Variants in GRHL2 observed in about 807,000 individuals in gnomAD.
GRHL2 encodes grainyhead-like protein 2 homolog.
GRHL2 carries 21 observed loss-of-function variants against 83.8 expected under a neutral mutation model. That is an observed-to-expected ratio of 0.25 (90% CI 0.18 to 0.36). The LOEUF (loss-of-function observed/expected upper bound fraction) is 0.36, where lower values mean the gene tolerates loss of function less well. Ranked by LOEUF, GRHL2 falls within the 10% of genes least tolerant of loss-of-function variation. The pLI is 1.00. For synonymous variants in GRHL2, 280 were observed against 278.9 expected (o/e 1.00, Z -0.04); for missense variants, 623 against 781.8 (o/e 0.80, Z 2.42).
chr8:101,578,568 G>A (rs1251987378), intron 7 of GRHL2, among the ~76,000 whole-genome samples: 2 of 152,200 alleles, frequency 1.3e-5, no homozygotes, highest in African/African-American at 2.4e-5. Flanking sequence ...AGACAGTAAT[G>A]TATGTGTTTC....
At chr8:101,602,916 A>G (rs926827171) in intron 8 of GRHL2, among the ~76,000 whole-genome samples, 3 of 152,194 alleles carry the variant, frequency 2.0e-5, no homozygotes, top group Admixed American at 2.0e-4. Context: ...TAAGGCCACC[A>G]GCATTCCCTG....
chr8:101,617,088 A>C (rs1812871719), intron 8 of GRHL2, among the ~76,000 whole-genome samples: 2 of 152,196 alleles, frequency 1.3e-5, no homozygotes, highest in Admixed American at 1.3e-4. Flanking sequence ...CATTGATTCC[A>C]TATACAGTAC....
intron 4 of GRHL2, among the ~76,000 whole-genome samples, chr8:101,568,094 A>C (rs913172721): frequency 6.6e-6 from 1 of 152,126 alleles, no homozygotes; most frequent in Non-Finnish European, 1.5e-5. Context: ...AATGATGGAA[A>C]TTTTTTTTAA....
chr8:101,526,739 A>G lies in GRHL2; in HGVS notation c.21-16502A>G, dbSNP rs550513261. Among the ~76,000 whole-genome samples the G allele has an allele frequency of 4.6e-5, 7 of 152,146 alleles. No individual in the cohort carries two copies. The East Asian group carries it at 1.2e-3, about 25-fold the overall frequency. ...AAAAAAGCAGCTAGTTTCAACTCCT[A>G]CTCAAAGCACTGCACGAGTGCTTTT... is the stretch of plus-strand genomic sequence containing the variant. On this transcript the variant is annotated intron_variant, in intron 1 of 15. Transcript: ENST00000646743.
At chr8:101,672,583 G>A (rs1019430419), downstream of GRHL2, among the ~76,000 whole-genome samples, 8 of 151,814 alleles carry the variant, frequency 5.3e-5, no homozygotes, top group African/African-American at 1.9e-4. Flanking sequence ...TCTGATTGGT[G>A]TACCTGAAAG....
chr8:101,512,309 C>T (rs953098415), intron 1 of GRHL2, among the ~76,000 whole-genome samples: 6 of 152,034 alleles, frequency 3.9e-5, no homozygotes, highest in East Asian at 3.8e-4. Flanking sequence ...AAAACAAATA[C>T]GTTTTGCTCT....
chr8:101,632,503 C>A, intron 11 of GRHL2, 138 bp downstream of exon 11: 1 of 1,045,096 alleles, frequency 9.6e-7, no homozygotes, highest in Non-Finnish European at 1.5e-6. Context: ...ATGTCATTCC[C>A]TATAGTAAAT....
intron 14 of GRHL2, among the ~76,000 whole-genome samples, chr8:101,650,775 C>T (rs1412384547): frequency 6.6e-6 from 1 of 151,280 alleles, no homozygotes; most frequent in African/African-American, 2.4e-5. Flanking sequence ...GAATTATACA[C>T]TTTAAGATGG....
At position 101,664,825 on chromosome 8, in the gene GRHL2, AG is replaced by A. The variant is rs1398009323; in HGVS notation, c.1763+310del. ...GAGAATGGCAAAATCACCTTTCTGC[AG>A]GGAGTGGAGTTTATAGGGAATCACG... On this transcript the variant is annotated intron_variant, in intron 15 of 15. Transcript: ENST00000646743. 3.3e-5 allele frequency among the ~76,000 whole-genome samples: 5 copies of A among 152,164 alleles called. No homozygotes were observed. In the East Asian group the frequency reaches 9.7e-4, roughly 30 times the overall value.
At chr8:101,676,055 T>A in the GRHL2 span, among the ~76,000 whole-genome samples, 2 of 149,932 alleles carry the variant, frequency 1.3e-5, no homozygotes, top group Non-Finnish European at 3.0e-5. Context: ...ATACAAAAAT[T>A]AATTCAAGAT....
At chr8:101,598,584 T>TTC (rs1808283177) in intron 7 of GRHL2, among the ~76,000 whole-genome samples, 1 of 36,318 alleles carries the variant, frequency 2.8e-5, no homozygotes, top group Non-Finnish European at 4.3e-5. Context: ...CTCCTGAATT[T>TTC]TTTTTTTTTT....
intron 4 of GRHL2, among the ~76,000 whole-genome samples, chr8:101,564,758 G>T (rs1811679346): frequency 7.3e-6 from 1 of 136,418 alleles, no homozygotes; most frequent in Admixed American, 7.8e-5. Context: ...GCTGCAGGAA[G>T]CTATGATCAT....
intron 13 of GRHL2, among the ~76,000 whole-genome samples, chr8:101,647,547 C>T (rs958714209): frequency 2.6e-5 from 4 of 151,942 alleles, no homozygotes; most frequent in East Asian, 1.9e-4. Flanking sequence ...TTCCTTGTAC[C>T]GCTAACATTG....
At chr8:101,532,790 C>T (rs950603822) in intron 1 of GRHL2, among the ~76,000 whole-genome samples, 2 of 150,752 alleles carry the variant, frequency 1.3e-5, no homozygotes, top group South Asian at 2.1e-4. Flanking sequence ...AATTCATGTG[C>T]TCTCAAGATA....
At chr8:101,605,998 G>T (rs145804218) in intron 8 of GRHL2, among the ~76,000 whole-genome samples, 2,305 of 152,186 alleles carry the variant, frequency 0.015, 55 homozygotes, top group African/African-American at 0.051. Flanking sequence ...GTTATGAATA[G>T]TGGAGGCAAT....
At chr8:101,665,538 C>T (rs969128801) in intron 15 of GRHL2, among the ~76,000 whole-genome samples, 10 of 152,244 alleles carry the variant, frequency 6.6e-5, no homozygotes, top group African/African-American at 2.4e-4. Context: ...TTGCCGAGGT[C>T]AATGTAGTAG....
intron 2 of GRHL2, among the ~76,000 whole-genome samples, chr8:101,550,444 G>C (rs1161490470): frequency 6.6e-6 from 1 of 152,116 alleles, no homozygotes; most frequent in East Asian, 1.9e-4. Context: ...AGAACACGCG[G>C]TATTTGGTTT....
chr8:101,554,381 G>T (rs988681217), intron 3 of GRHL2, among the ~76,000 whole-genome samples: 1 of 152,184 alleles, frequency 6.6e-6, no homozygotes, highest in Non-Finnish European at 1.5e-5. Context: ...ATTATAGCAG[G>T]ATCAGGGAAA....
At chr8:101,509,252 C>A (rs1357304811) in intron 1 of GRHL2, among the ~76,000 whole-genome samples, 2 of 77,102 alleles carry the variant, frequency 2.6e-5, no homozygotes, top group Non-Finnish European at 5.7e-5. Flanking sequence ...TGTGTTTTGG[C>A]CTATTAGTGG....
Sources: allele counts gnomAD v4.1 joint callset (sites outside exome capture counted in the v4.1 genomes callset), GRCh38; gene constraint gnomAD v4.1.1; transcripts MANE v1.5; gene names NCBI Gene and HGNC (gene_info 2026-07-23, HGNC 2026-07-21).